FBXW11: variants seen among roughly 807,000 people sequenced by gnomAD.
FBXW11 encodes the protein F-box/WD repeat-containing protein 11.
FBXW11 carries 19 observed loss-of-function variants against 77.6 expected under a neutral mutation model. That is an observed-to-expected ratio of 0.24 (90% CI 0.17 to 0.36). The LOEUF is 0.36. Ranked by LOEUF, FBXW11 falls within the 10% of genes least tolerant of loss-of-function variation. FBXW11 has a pLI of 1.00. For synonymous variants in FBXW11, 235 were observed against 249.4 expected, an observed-to-expected ratio of 0.94 and a Z score of 0.54; for missense variants, 334 against 704.2, an observed-to-expected ratio of 0.47 and a Z score of 5.95.
chr5:171,917,479 T>C (rs12109077), intron 2 of FBXW11, among the ~76,000 whole-genome samples: 53 of 152,340 alleles, frequency 3.5e-4, no homozygotes, highest in African/African-American at 1.2e-3. Context: ...ATAGCAGCTA[T>C]TGCCTTAAGG....
chr5:171,865,376 C>T (rs979275201), intron 13 of FBXW11, among the ~76,000 whole-genome samples: 1 of 151,562 alleles, frequency 6.6e-6, no homozygotes, highest in Non-Finnish European at 1.5e-5. Flanking sequence ...AAGGGTTGGA[C>T]AAATATTAGG....
intron 2 of FBXW11, among the ~76,000 whole-genome samples, chr5:171,956,195 T>C (rs1212192598): frequency 3.3e-5 from 5 of 152,224 alleles, no homozygotes; most frequent in Non-Finnish European, 7.3e-5. Flanking sequence ...ACACCTATTA[T>C]ACACCTATTA....
At chr5:171,984,842 CA>C (rs1765351318) in intron 1 of FBXW11, among the ~76,000 whole-genome samples, 1 of 152,182 alleles carries the variant, frequency 6.6e-6, no homozygotes, top group Non-Finnish European at 1.5e-5. Flanking sequence ...GTCGAAGTTA[CA>C]TTTTTTGCAG....
chr5:172,004,937 G>C (rs763347841), intron 1 of FBXW11, among the ~76,000 whole-genome samples: 4 of 151,422 alleles, frequency 2.6e-5, no homozygotes, highest in Non-Finnish European at 5.9e-5. Flanking sequence ...TTCCCTCCTA[G>C]TTTTCAAGAA....
chr5:171,916,513 A>G, intron 2 of FBXW11: 1 of 962,780 alleles, frequency 1.0e-6, no homozygotes, highest in Non-Finnish European at 1.2e-6. Flanking sequence ...GGAGTGGTGA[A>G]AGCAGTAAGT....
intron 1 of FBXW11, among the ~76,000 whole-genome samples, chr5:171,984,480 T>C (rs1321395333): frequency 6.6e-6 from 1 of 152,188 alleles, no homozygotes; most frequent in African/African-American, 2.4e-5. Flanking sequence ...TCAGCATGTG[T>C]GGGCTGGAGG....
At chr5:171,977,611 A>T (rs569079944) in intron 1 of FBXW11, 45 of 451,492 alleles carry the variant, frequency 1.0e-4, no homozygotes, top group African/African-American at 7.8e-4. Flanking sequence ...CAAGTTACAA[A>T]AGAAAGAAGT....
intron 1 of FBXW11, among the ~76,000 whole-genome samples, chr5:171,996,315 T>G (rs1766042166): frequency 1.3e-5 from 2 of 152,234 alleles, no homozygotes; most frequent in Non-Finnish European, 2.9e-5. Context: ...AAACAACATA[T>G]GTCTCTGTTT....
intron 1 of FBXW11, 95 bp downstream of exon 1, chr5:172,006,363 G>A (rs1023287402): frequency 2.6e-6 from 3 of 1,147,972 alleles, no homozygotes; most frequent in African/African-American, 1.6e-5. Context: ...CGTCTGGGAA[G>A]GGCCAGAGCC....
chr5:171,890,436 CAGG>C (rs551630876), intron 7 of FBXW11, among the ~76,000 whole-genome samples: 8 of 141,198 alleles, frequency 5.7e-5, no homozygotes, highest in Non-Finnish European at 1.2e-4. Context: ...GGTAGGACGG[CAGG>C]AGAATTGCTT....
chr5:171,921,411 TGA>T (rs1276125999), intron 2 of FBXW11, among the ~76,000 whole-genome samples: 2 of 152,186 alleles, frequency 1.3e-5, no homozygotes, highest in Non-Finnish European at 2.9e-5. Flanking sequence ...AGCTAGTAAA[TGA>T]GAGACACAGG....
intron 7 of FBXW11, among the ~76,000 whole-genome samples, chr5:171,889,309 C>T (rs1759140985): frequency 6.6e-6 from 1 of 152,208 alleles, no homozygotes; most frequent in South Asian, 2.1e-4. Flanking sequence ...AGGCAGATCA[C>T]CTGAGGCCAG....
At chr5:171,989,171 T>C (rs1187082376) in intron 1 of FBXW11, among the ~76,000 whole-genome samples, 2 of 152,192 alleles carry the variant, frequency 1.3e-5, no homozygotes, top group Non-Finnish European at 2.9e-5. Flanking sequence ...AGTGAGACTC[T>C]GTTTAAAATA....
chr5:171,941,658 A>G (rs1762760045), intron 2 of FBXW11, among the ~76,000 whole-genome samples: 1 of 151,760 alleles, frequency 6.6e-6, no homozygotes, highest in South Asian at 2.1e-4. Context: ...CAAATTGAGA[A>G]ACAAAAGGTT....
At chr5:172,002,651 A>G (rs945765793) in intron 1 of FBXW11, among the ~76,000 whole-genome samples, 6 of 150,038 alleles carry the variant, frequency 4.0e-5, no homozygotes, top group Non-Finnish European at 8.9e-5. Context: ...AAAAAAGACA[A>G]CATTTCCAGT....
rs532927570 is a variant in FBXW11, at chr5:171,936,676, C to T, written c.147+20921G>A. Among the ~76,000 whole-genome samples, 126 of 152,126 alleles carry T rather than the reference C, an allele frequency of 8.3e-4. 1 individual carries two copies. The highest frequency in any genetic ancestry group is 1.4e-3 in the Non-Finnish European group (98 of 67,984). ...GACATGGATATAAATACACTATACA[C>T]ACTACTCTCACTACAAGACAGCTCA... On this transcript the variant is annotated intron_variant, in intron 2 of 13. Coordinates refer to ENST00000517395, the MANE Select transcript of FBXW11 (RefSeq NM_001378974.1).
chr5:171,876,236 T>C lies in FBXW11; in HGVS notation c.1221+49A>G, dbSNP rs1413385082. ...ATAAGCCACCTCTGCTTTGTCTCTGTTCTAAAAGGGACAGGAACAGGTAGG... is the reference window on the plus strand; with the variant it reads ...ATAAGCCACCTCTGCTTTGTCTCTGCTCTAAAAGGGACAGGAACAGGTAGG... On this transcript the variant is annotated intron_variant, in intron 9 of 13. Coordinates refer to ENST00000517395, the MANE Select transcript of FBXW11 (RefSeq NM_001378974.1). This position sits in a 1 kb window ranked among gnomAD's most constrained non-coding sequence, Gnocchi z 4.2. The C allele has an allele frequency of 6.2e-7, 1 of 1,606,070 alleles. No homozygotes were observed. Among genetic ancestry groups the C allele is most frequent in the African/African-American group, 1.3e-5 (1 of 74,780 alleles).
At chr5:171,882,309 AAGG>A (rs1163273784) in intron 7 of FBXW11, among the ~76,000 whole-genome samples, 6 of 152,152 alleles carry the variant, frequency 3.9e-5, no homozygotes, top group African/African-American at 1.4e-4. Context: ...ACACACAGCG[AAGG>A]AGGAGGGAGA....
intron 1 of FBXW11, among the ~76,000 whole-genome samples, chr5:171,958,844 C>T (rs1332977638): frequency 6.6e-6 from 1 of 152,058 alleles, no homozygotes; most frequent in Non-Finnish European, 1.5e-5. Flanking sequence ...AGTCTTGGAC[C>T]CAAGCTCATA....
Sources: allele counts gnomAD v4.1 joint callset (sites outside exome capture counted in the v4.1 genomes callset), GRCh38; gene constraint gnomAD v4.1.1; non-coding constraint Gnocchi (gnomAD v3.1); transcripts MANE v1.5; gene names NCBI Gene and HGNC (gene_info 2026-07-23, HGNC 2026-07-21).